The following CSMD3 variants were observed in gnomAD, a reference collection of about 807,000 sequenced individuals.
The protein encoded by CSMD3 is CUB and sushi domain-containing protein 3.
Under a neutral mutation model 435.2 loss-of-function variants are expected in CSMD3, and 177 were observed. That is an observed-to-expected ratio of 0.41 (90% CI 0.36 to 0.46). The LOEUF is 0.46. Ranked by LOEUF, CSMD3 falls within the 20% of genes least tolerant of loss-of-function variation. The pLI is 0.34. For synonymous variants in CSMD3, 1,656 were observed against 1,520.5 expected, an observed-to-expected ratio of 1.09 and a Z score of -2.07; for missense variants, 4,265 against 4,504.6, an observed-to-expected ratio of 0.95 and a Z score of 1.52.
chr8:112,797,194 T>A (rs766096143), intron 13 of CSMD3, among the ~76,000 whole-genome samples: 2 of 151,980 alleles, frequency 1.3e-5, no homozygotes, highest in Non-Finnish European at 2.9e-5. Flanking sequence ...CTCTCAATAG[T>A]ACAGTCTTAG....
chr8:112,570,476 T>C (rs555358102), intron 24 of CSMD3, among the ~76,000 whole-genome samples: 47 of 152,296 alleles, frequency 3.1e-4, no homozygotes, highest in South Asian at 1.2e-3. Context: ...AATAAATATT[T>C]GAGATGGATC....
intron 6 of CSMD3, among the ~76,000 whole-genome samples, chr8:113,001,820 A>G (rs2085874752): frequency 6.6e-6 from 1 of 152,080 alleles, no homozygotes; most frequent in South Asian, 2.1e-4. Context: ...AAGCCACGGT[A>G]TCTAAGAACC....
chr8:112,859,042 A>G (rs2129851760), intron 11 of CSMD3, 103 bp downstream of exon 11: 4 of 1,092,958 alleles, frequency 3.7e-6, no homozygotes, highest in Non-Finnish European at 5.5e-6. Context: ...CCAAAATCCT[A>G]CTTGAGTTAT....
chr8:113,423,054 G>C (rs780703222), intron 1 of CSMD3, among the ~76,000 whole-genome samples: 1 of 151,882 alleles, frequency 6.6e-6, no homozygotes, highest in Non-Finnish European at 1.5e-5. Context: ...GAATATAATT[G>C]TTTAATATAT....
chr8:113,196,385 GGT>G lies in CSMD3; in HGVS notation c.515-22471_515-22470del. Among the ~76,000 whole-genome samples the G allele has an allele frequency of 2.6e-5, 4 of 151,326 alleles. No homozygotes were observed. The South Asian group carries it at 8.3e-4, about 31-fold the overall frequency. On this transcript the variant is annotated intron_variant, in intron 3 of 70. Coordinates refer to ENST00000297405, the MANE Select transcript of CSMD3 (RefSeq NM_198123.2). Reference sequence around the variant, plus strand: ...GAATACACATGACTTATTTGGGAAAGGTGGGCAGATTGGGGTGAATAGACTTT... The same window carrying G: ...GAATACACATGACTTATTTGGGAAAGGGGCAGATTGGGGTGAATAGACTTT...
intron 5 of CSMD3, among the ~76,000 whole-genome samples, chr8:113,074,654 C>A (rs1360611434): frequency 6.6e-6 from 1 of 151,784 alleles, no homozygotes; most frequent in African/African-American, 2.4e-5. Flanking sequence ...TGTTTACTAC[C>A]TTTGTGACAC....
chr8:113,153,075 A>AAAAAG (rs1491554079), intron 4 of CSMD3, among the ~76,000 whole-genome samples: 2 of 88,656 alleles, frequency 2.3e-5, no homozygotes, highest in Non-Finnish European at 4.2e-5. Context: ...AAAAAGAAAG[A>AAAAAG]AAAAGAAAGA....
At chr8:112,325,100 T>G in intron 45 of CSMD3, among the ~76,000 whole-genome samples, 1 of 152,178 alleles carries the variant, frequency 6.6e-6, no homozygotes, top group Non-Finnish European at 1.5e-5. Flanking sequence ...CAAGTACCAC[T>G]GATAGGCATG....
At chr8:112,233,726 ACT>A (rs1446039960) in intron 68 of CSMD3, among the ~76,000 whole-genome samples, 7 of 152,110 alleles carry the variant, frequency 4.6e-5, no homozygotes, top group Admixed American at 3.9e-4. Context: ...TCTCATGCTG[ACT>A]CTTCAGCAAA....
At chr8:113,127,480 C>T (rs535371693) in intron 4 of CSMD3, among the ~76,000 whole-genome samples, 1 of 152,040 alleles carries the variant, frequency 6.6e-6, no homozygotes, top group Admixed American at 6.6e-5. Context: ...CCTGTTGCTC[C>T]AAGAAAAACC....
chr8:112,279,182 C>T (rs1297440595), intron 59 of CSMD3, among the ~76,000 whole-genome samples: 3 of 152,162 alleles, frequency 2.0e-5, no homozygotes, highest in African/African-American at 7.2e-5. Flanking sequence ...AATTGGATTT[C>T]ACATCTCCAC....
At chr8:113,277,614 G>A (rs542598931) in intron 3 of CSMD3, among the ~76,000 whole-genome samples, 3 of 151,862 alleles carry the variant, frequency 2.0e-5, no homozygotes, top group Non-Finnish European at 2.9e-5. Flanking sequence ...ATATGGTTTA[G>A]AAATTAATTG....
chr8:112,865,840 G>A (rs745932130), intron 10 of CSMD3, among the ~76,000 whole-genome samples: 5 of 152,004 alleles, frequency 3.3e-5, no homozygotes, highest in Non-Finnish European at 7.4e-5. Flanking sequence ...CTGCCACATG[G>A]AAGACACTCA....
chr8:113,265,831 T>C (rs2093465921), intron 3 of CSMD3, among the ~76,000 whole-genome samples: 1 of 151,514 alleles, frequency 6.6e-6, no homozygotes, highest in Non-Finnish European at 1.5e-5. Flanking sequence ...AGGTTGACTT[T>C]ATGGGCCTCT....
rs187807263 is a variant in CSMD3 at position 113,030,820 on chromosome 8, T to C, written c.918-11641A>G. ...TATATAAAGAATTCCCAAATGCAAC[T>C]GTTAAAAAGAAAAAAATTCACAAAA... On this transcript the variant is annotated intron_variant, in intron 5 of 70. Coordinates refer to ENST00000297405, the MANE Select transcript of CSMD3 (RefSeq NM_198123.2). Among the ~76,000 whole-genome samples the C allele has an allele frequency of 1.5e-3, 224 of 151,472 alleles. 2 individuals are homozygous for C. Among genetic ancestry groups the C allele is most frequent in the African/African-American group, 5.0e-3 (207 of 41,476 alleles).
At chr8:112,254,610 G>A (rs1167496603) in intron 62 of CSMD3, among the ~76,000 whole-genome samples, 1 of 152,028 alleles carries the variant, frequency 6.6e-6, no homozygotes, top group Non-Finnish European at 1.5e-5. Flanking sequence ...TAAAATTAAG[G>A]AAAGATAAAG....
At chr8:112,456,114 G>A (rs554185420) in intron 32 of CSMD3, among the ~76,000 whole-genome samples, 4 of 151,886 alleles carry the variant, frequency 2.6e-5, no homozygotes, top group Admixed American at 1.3e-4. Context: ...TTTGGAAGCC[G>A]GAAAAAAAAT....
intron 40 of CSMD3, 84 bp downstream of exon 40, chr8:112,351,091 T>G (rs1826096688): frequency 1.1e-6 from 1 of 870,806 alleles, no homozygotes; most frequent in Admixed American, 1.9e-5. Context: ...AACTTTAAAA[T>G]CTGATGAAGC....
At chr8:113,286,586 A>C (rs1389646911) in intron 2 of CSMD3, among the ~76,000 whole-genome samples, 1 of 152,046 alleles carries the variant, frequency 6.6e-6, no homozygotes, top group African/African-American at 2.4e-5. Context: ...CATCATTCTT[A>C]TAGATAAGAA....
Sources: allele counts gnomAD v4.1 joint callset (sites outside exome capture counted in the v4.1 genomes callset), GRCh38; gene constraint gnomAD v4.1.1; transcripts MANE v1.5; gene names NCBI Gene and HGNC (gene_info 2026-07-23, HGNC 2026-07-21).